Variants in NALF1 observed in about 807,000 individuals in gnomAD.
The protein encoded by NALF1 is family with sequence similarity 155 member A.
NALF1 carries 3 observed loss-of-function variants against 48.4 expected under a neutral mutation model. The ratio of observed to expected loss-of-function variants is 0.06; its 90% CI spans 0.03 to 0.16. The LOEUF (loss-of-function observed/expected upper bound fraction) is 0.16. Ranked by LOEUF, NALF1 falls within the 10% of genes least tolerant of loss-of-function variation. The pLI is 1.00. For synonymous variants in NALF1, 262 were observed against 245.7 expected, an observed-to-expected ratio of 1.07 and a Z score of -0.62; for missense variants, 526 against 571.5, an observed-to-expected ratio of 0.92 and a Z score of 0.81.
chr13:107,851,075 T>C (rs1475459966), intron 1 of NALF1, among the ~76,000 whole-genome samples: 3 of 152,168 alleles, frequency 2.0e-5, no homozygotes, highest in Admixed American at 6.5e-5. Context: ...AAGGAAAATA[T>C]TGACAGTTTA....
chr13:107,756,435 C>CTATATA (rs148971349), intron 1 of NALF1, among the ~76,000 whole-genome samples: 1,828 of 141,048 alleles, frequency 0.013, 35 homozygotes, highest in African/African-American at 0.035. Context: ...AGTTTAATGG[C>CTATATA]TATATATATA....
At chr13:107,306,208 C>T (rs1186701210) in intron 1 of NALF1, among the ~76,000 whole-genome samples, 1 of 152,110 alleles carries the variant, frequency 6.6e-6, no homozygotes, top group East Asian at 1.9e-4. Context: ...AGAAAAGCCA[C>T]CAGACAGACA....
At chr13:107,580,097 C>T (rs1329128354) in intron 1 of NALF1, among the ~76,000 whole-genome samples, 1 of 152,040 alleles carries the variant, frequency 6.6e-6, no homozygotes, top group Non-Finnish European at 1.5e-5. Context: ...CACATATACA[C>T]CATGGAATAC....
chr13:107,360,953 A>T (rs1235165897), intron 1 of NALF1, among the ~76,000 whole-genome samples: 4 of 151,872 alleles, frequency 2.6e-5, no homozygotes, highest in African/African-American at 9.7e-5. Flanking sequence ...TAATTCACTG[A>T]TTGCTTATCA....
intron 1 of NALF1, among the ~76,000 whole-genome samples, chr13:107,775,757 C>T (rs576911093): frequency 2.2e-4 from 34 of 152,272 alleles, no homozygotes; most frequent in East Asian, 1.9e-4. Context: ...TTAATGAATG[C>T]CATTTAATGA....
At chr13:107,190,042 A>T (rs1879250503) in intron 2 of NALF1, among the ~76,000 whole-genome samples, 1 of 151,880 alleles carries the variant, frequency 6.6e-6, no homozygotes, top group African/African-American at 2.4e-5. Context: ...TATTTTTGTT[A>T]TTTTCCTCTG....
intron 1 of NALF1, among the ~76,000 whole-genome samples, chr13:107,414,113 G>T (rs1260992716): frequency 1.3e-5 from 2 of 152,076 alleles, no homozygotes; most frequent in Non-Finnish European, 2.9e-5. Flanking sequence ...TTTTTAAAAT[G>T]CCATGTAGTC....
chr13:107,183,548 G>T (rs1454952286), intron 2 of NALF1, among the ~76,000 whole-genome samples: 1 of 152,174 alleles, frequency 6.6e-6, no homozygotes, highest in African/African-American at 2.4e-5. Flanking sequence ...GCACATGTAT[G>T]TTTATTGCGG....
chr13:107,199,438 G>A (rs9587317), intron 2 of NALF1, among the ~76,000 whole-genome samples: 4,651 of 152,124 alleles, frequency 0.031, 96 homozygotes, highest in Middle Eastern at 0.065. Context: ...ATTGGACTAG[G>A]GCTCATCCTA....
chr13:107,413,043 A>G (rs966795555), intron 1 of NALF1, among the ~76,000 whole-genome samples: 1 of 152,150 alleles, frequency 6.6e-6, no homozygotes, highest in Non-Finnish European at 1.5e-5. Context: ...GTAACCTGGA[A>G]TTGTTGAATA....
chr13:107,727,834 A>G (rs1267215117), intron 1 of NALF1, among the ~76,000 whole-genome samples: 1 of 152,202 alleles, frequency 6.6e-6, no homozygotes, highest in African/African-American at 2.4e-5. Context: ...AATTTACAAG[A>G]AAAAAACAAA....
At chr13:107,669,133 A>G (rs899470281) in intron 1 of NALF1, among the ~76,000 whole-genome samples, 8 of 152,132 alleles carry the variant, frequency 5.3e-5, no homozygotes, top group African/African-American at 1.9e-4. Flanking sequence ...TACATGCTGA[A>G]CATTACCCTA....
At chr13:107,713,146 C>T (rs536298932) in intron 1 of NALF1, among the ~76,000 whole-genome samples, 1 of 152,176 alleles carries the variant, frequency 6.6e-6, no homozygotes, top group African/African-American at 2.4e-5. Flanking sequence ...AAATTTTCTT[C>T]GGAAGTAGCT....
chr13:107,229,470 T>A lies in NALF1; in HGVS notation c.916-18715A>T, dbSNP rs149908016. Among the ~76,000 whole-genome samples the A allele has an allele frequency of 9.6e-3, 1,461 of 152,272 alleles. 26 individuals carry two copies. The highest frequency in any genetic ancestry group is 0.034 in the African/African-American group (1,405 of 41,546). On this transcript the variant is annotated intron_variant, in intron 1 of 2. Transcript: ENST00000375915. ...TTAGGTACTCAAAATCTGTTTGTAT[T>A]TTAAAAGTGCTTTATATAACTGTTA...
intron 1 of NALF1, among the ~76,000 whole-genome samples, chr13:107,818,796 C>CCA (rs1451462425): frequency 9.3e-5 from 12 of 128,974 alleles, no homozygotes; most frequent in African/African-American, 4.0e-4. Flanking sequence ...GACGTGAACC[C>CCA]GGGAGGCGGA....
chr13:107,617,724 C>T (rs1228386923), intron 1 of NALF1, among the ~76,000 whole-genome samples: 1 of 152,076 alleles, frequency 6.6e-6, no homozygotes, highest in Non-Finnish European at 1.5e-5. Context: ...GAGAGGAAAA[C>T]AAAATAAATC....
intron 1 of NALF1, among the ~76,000 whole-genome samples, chr13:107,496,446 C>T (rs143502832): frequency 2.2e-4 from 33 of 152,184 alleles, no homozygotes; most frequent in Admixed American, 1.8e-3. Context: ...ATTGCTGAGA[C>T]GGTGTTTAGC....
intron 1 of NALF1, among the ~76,000 whole-genome samples, chr13:107,681,408 T>C (rs1317606974): frequency 1.3e-5 from 2 of 152,104 alleles, no homozygotes. Context: ...GAGGACGGGC[T>C]GCCTGATTCA....
Position 107,201,716 on chromosome 13 carries a change from G to A in NALF1, c.1087+8868C>T, listed in dbSNP as rs747432546. On this transcript the variant is annotated intron_variant, in intron 2 of 2. Transcript: ENST00000375915. ...CATTTCCCTTGCAATGTTTGTTCCC[G>A]CGTACTTGAAGGTGGACTTCCTGGG... 3.6e-4 allele frequency among the ~76,000 whole-genome samples: 55 copies of A among 152,204 alleles called. 1 individual carries two copies. The highest frequency in any genetic ancestry group is 2.2e-3 in the Admixed American group (34 of 15,292).
Sources: gnomAD v4.1 joint callset for allele counts (sites outside exome capture counted in the v4.1 genomes callset) on GRCh38, gnomAD v4.1.1 for gene constraint, MANE v1.5 for transcripts, NCBI Gene and HGNC (gene_info 2026-07-23, HGNC 2026-07-21) for gene names.